The following SYNE1 variants were observed in gnomAD, a reference collection of about 807,000 sequenced individuals.
The protein encoded by SYNE1 is nesprin-1.
Under a neutral mutation model 1,111.0 loss-of-function variants are expected in SYNE1, and 616 were observed. That is an observed-to-expected ratio of 0.55 (90% CI 0.52 to 0.59). The LOEUF is 0.59. Ranked by LOEUF, SYNE1 falls within the 20% of genes least tolerant of loss-of-function variation. The pLI, the probability that SYNE1 is intolerant of heterozygous loss-of-function variation, is 0.00. For synonymous variants in SYNE1, 3,855 were observed against 3,825.8 expected, an observed-to-expected ratio of 1.01 and a Z score of -0.28; for missense variants, 10,006 against 10,417.0, an observed-to-expected ratio of 0.96 and a Z score of 1.72.
intron 129 of SYNE1, among the ~76,000 whole-genome samples, chr6:152,178,675 T>G (rs73617324): frequency 0.031 from 4,778 of 152,236 alleles, 244 homozygotes; most frequent in African/African-American, 0.1. Context: ...TTATGAGAAG[T>G]TAGGCACTGT....
chr6:152,431,788 A>G (rs1489031418), intron 34 of SYNE1, among the ~76,000 whole-genome samples: 1 of 152,218 alleles, frequency 6.6e-6, no homozygotes, highest in Non-Finnish European at 1.5e-5. Context: ...AATGTCGGAT[A>G]TGCATCATTT....
At chr6:152,152,221 C>T (rs915325132) in intron 133 of SYNE1, 80 bp from the exon 134 acceptor site, 4 of 1,268,624 alleles carry the variant, frequency 3.2e-6, no homozygotes, top group African/African-American at 1.5e-5. Context: ...CTTATTGTAG[C>T]GTCTGGGAGA....
At chr6:152,550,839 G>A (rs2099343018) in intron 3 of SYNE1, among the ~76,000 whole-genome samples, 2 of 152,070 alleles carry the variant, frequency 1.3e-5, no homozygotes, top group South Asian at 4.1e-4. Flanking sequence ...AAATCCAAAA[G>A]ATTCTGAGTT....
At chr6:152,145,641 A>G in intron 137 of SYNE1, 2 of 1,247,862 alleles carry the variant, frequency 1.6e-6, no homozygotes, top group Admixed American at 1.7e-5. Flanking sequence ...CCTAGGGGAA[A>G]AAAAGGAAGT....
intron 98 of SYNE1, among the ~76,000 whole-genome samples, chr6:152,273,536 C>G (rs867158508): frequency 6.6e-6 from 1 of 152,110 alleles, no homozygotes; most frequent in Middle Eastern, 3.4e-3. Context: ...GGCTCTTGCC[C>G]CAGGTCACCT....
intron 133 of SYNE1, among the ~76,000 whole-genome samples, chr6:152,154,686 T>C (rs972941990): frequency 6.6e-6 from 1 of 152,150 alleles, no homozygotes; most frequent in Non-Finnish European, 1.5e-5. Flanking sequence ...TTATGCTTCT[T>C]GATAATCTTA....
intron 98 of SYNE1, among the ~76,000 whole-genome samples, chr6:152,276,608 T>C (rs1589201040): frequency 6.6e-6 from 1 of 152,292 alleles, no homozygotes; most frequent in South Asian, 2.1e-4. Context: ...TTAACAATAT[T>C]TATGTCCTAC....
At chr6:152,509,516 C>T (rs1030665777) in intron 8 of SYNE1, among the ~76,000 whole-genome samples, 3 of 152,098 alleles carry the variant, frequency 2.0e-5, no homozygotes, top group African/African-American at 4.8e-5. Flanking sequence ...CTCAGCCTAC[C>T]GAAGAGCTGG....
chr6:152,503,351 C>G (rs2099040424), intron 9 of SYNE1, among the ~76,000 whole-genome samples: 1 of 152,190 alleles, frequency 6.6e-6, no homozygotes, highest in African/African-American at 2.4e-5. Context: ...ATCAAGCACT[C>G]TTCGAGGGAA....
At chr6:152,207,049 G>T (rs375325316) in intron 125 of SYNE1, among the ~76,000 whole-genome samples, 1 of 152,200 alleles carries the variant, frequency 6.6e-6, no homozygotes, top group Non-Finnish European at 1.5e-5. Flanking sequence ...GATATACTAA[G>T]ATTAGGAAGC....
At chr6:152,374,434 G>T (rs1339137540) in intron 58 of SYNE1, among the ~76,000 whole-genome samples, 2 of 152,228 alleles carry the variant, frequency 1.3e-5, no homozygotes, top group African/African-American at 4.8e-5. Context: ...GTCCATGGAG[G>T]CATGCTGTGG....
chr6:152,237,181 G>A (rs2084325334), intron 108 of SYNE1, among the ~76,000 whole-genome samples: 1 of 152,112 alleles, frequency 6.6e-6, no homozygotes, highest in South Asian at 2.1e-4. Flanking sequence ...CTTTACAACT[G>A]TGAGTAAGCT....
chr6:152,360,871 CTT>C (rs1190180487), intron 64 of SYNE1, among the ~76,000 whole-genome samples: 3 of 152,176 alleles, frequency 2.0e-5, no homozygotes, highest in African/African-American at 7.2e-5. Context: ...ATTTAAATAA[CTT>C]TTATTCAGCG....
In SYNE1 at chr6:152,502,585, C is replaced by T. The variant is rs536102855; in HGVS notation, c.888+48G>A. 2.9e-4 allele frequency: 411 copies of T among 1,400,878 alleles called. 6 individuals are homozygous for T. In the South Asian group the frequency reaches 4.5e-3, roughly 15 times the overall value. 86.8% of individuals were successfully genotyped at this position (1,400,878 alleles called of 1,614,324 possible). On this transcript the variant is annotated intron_variant, in intron 10 of 145. Coordinates refer to ENST00000367255, the MANE Select transcript of SYNE1 (RefSeq NM_182961.4). ...GAACAGTATACTCAAAAAGCTGAGT[C>T]ACTGTCATTGCATATACCAGTGATA...
chr6:152,364,751 G>T, intron 63 of SYNE1, 96 bp downstream of exon 63: 1 of 1,335,956 alleles, frequency 7.5e-7, no homozygotes, highest in Non-Finnish European at 1.0e-6. Context: ...GGAAAGGGAA[G>T]GGAAGGGAAG....
chr6:152,291,964 A>G (rs1175030999), intron 95 of SYNE1, among the ~76,000 whole-genome samples: 1 of 152,152 alleles, frequency 6.6e-6, no homozygotes, highest in Non-Finnish European at 1.5e-5. Context: ...CACATACTCA[A>G]CCTGAAGGAA....
chr6:152,624,215 C>T (rs1204192106), intron 3 of SYNE1, among the ~76,000 whole-genome samples: 2 of 152,094 alleles, frequency 1.3e-5, no homozygotes, highest in Non-Finnish European at 2.9e-5. Context: ...AACACCTAAG[C>T]ATGCACATTT....
intron 11 of SYNE1, among the ~76,000 whole-genome samples, chr6:152,493,989 C>T (rs1321737261): frequency 6.6e-6 from 1 of 152,180 alleles, no homozygotes; most frequent in Non-Finnish European, 1.5e-5. Context: ...CATCCCAACC[C>T]TTTTCATTAC....
chr6:152,336,688 C>T, intron 76 of SYNE1, 153 bp downstream of exon 76: 1 of 992,502 alleles, frequency 1.0e-6, no homozygotes, highest in Non-Finnish European at 1.5e-6. Context: ...TTGTCCATAA[C>T]CTGGGGCTTG....
Sources: allele counts gnomAD v4.1 joint callset (sites outside exome capture counted in the v4.1 genomes callset), GRCh38; gene constraint gnomAD v4.1.1; transcripts MANE v1.5; gene names NCBI Gene and HGNC (gene_info 2026-07-23, HGNC 2026-07-21).